The following LINGO2 variants were observed in gnomAD, a reference collection of about 807,000 sequenced individuals.
LINGO2 encodes leucine-rich repeat and immunoglobulin-like domain-containing nogo receptor-interacting protein 2.
LINGO2 carries 14 observed loss-of-function variants against 30.6 expected under a neutral mutation model. The ratio of observed to expected loss-of-function variants is 0.46; its 90% CI spans 0.30 to 0.72. LINGO2 has a LOEUF of 0.72. Ranked by LOEUF, LINGO2 falls within the 30% of genes least tolerant of loss-of-function variation. The pLI, the probability that LINGO2 is intolerant of heterozygous loss-of-function variation, is 0.07. For synonymous variants in LINGO2, 317 were observed against 288.5 expected (o/e 1.10, Z -1.00); for missense variants, 729 against 751.7 (o/e 0.97, Z 0.35).
the LINGO2 span, among the ~76,000 whole-genome samples, chr9:28,930,287 C>T: frequency 6.6e-6 from 1 of 152,164 alleles, no homozygotes; most frequent in African/African-American, 2.4e-5. The surrounding 1 kb of genome is among the most constrained non-coding windows in gnomAD (Gnocchi z 4.2). Flanking sequence ...GAAACCCTGG[C>T]TTGAATTCCT....
intron 5 of LINGO2, among the ~76,000 whole-genome samples, chr9:27,987,334 C>A (rs1434102730): frequency 1.3e-5 from 2 of 151,760 alleles, no homozygotes; most frequent in African/African-American, 4.8e-5. Context: ...TCCCTCCTTT[C>A]CTGAGACAGG....
At chr9:28,102,732 C>T (rs1054258602) in intron 4 of LINGO2, among the ~76,000 whole-genome samples, 19 of 152,016 alleles carry the variant, frequency 1.2e-4, no homozygotes, top group African/African-American at 4.1e-4. Flanking sequence ...CTTTTTATCA[C>T]TAATAAGCAT....
intron 5 of LINGO2, among the ~76,000 whole-genome samples, chr9:27,969,634 C>T (rs912968128): frequency 2.0e-5 from 3 of 152,030 alleles, no homozygotes; most frequent in African/African-American, 7.2e-5. Flanking sequence ...GGACTTGCAG[C>T]AAAGAAGTGA....
rs148426566 is a variant in LINGO2, at chr9:28,021,043, C to T, written c.-86-8638G>A. Among the ~76,000 whole-genome samples the T allele has an allele frequency of 1.0e-3, 155 of 151,914 alleles. 1 individual carries two copies. The East Asian group carries it at 0.018, about 18-fold the overall frequency. The stretch of plus-strand genomic sequence containing the variant: ...TTTCTTTCCATTGCATTGATTTTTG[C>T]TCAATTTTTTTTTATTATTTCTTTT... On this transcript the variant is annotated intron_variant, in intron 4 of 5. Transcript: ENST00000379992.
intron 5 of LINGO2, among the ~76,000 whole-genome samples, chr9:28,011,595 G>A (rs1054463942): frequency 1.3e-5 from 2 of 152,196 alleles, no homozygotes; most frequent in African/African-American, 2.4e-5. Flanking sequence ...GCAGATGGGT[G>A]AAGTTATTTG....
chr9:28,460,579 A>G (rs1223221154), intron 2 of LINGO2, among the ~76,000 whole-genome samples: 2 of 152,214 alleles, frequency 1.3e-5, no homozygotes, highest in Non-Finnish European at 2.9e-5. Flanking sequence ...AACTTCATGT[A>G]ATACATAGTA....
intron 4 of LINGO2, among the ~76,000 whole-genome samples, chr9:28,080,065 C>T (rs1420736897): frequency 6.6e-6 from 1 of 152,228 alleles, no homozygotes; most frequent in African/African-American, 2.4e-5. Flanking sequence ...TCCCTTTCCA[C>T]TGTTATGCCA....
intron 4 of LINGO2, among the ~76,000 whole-genome samples, chr9:28,281,837 G>A (rs989099983): frequency 2.6e-5 from 4 of 152,070 alleles, no homozygotes; most frequent in African/African-American, 9.7e-5. Context: ...GACTAAAGCT[G>A]CAAATGCCTT....
At position 28,090,514 on chromosome 9, in the gene LINGO2, G is replaced by A. The variant is rs193034362; in HGVS notation, c.-86-78109C>T. On this transcript the variant is annotated intron_variant, in intron 4 of 5. Transcript: ENST00000379992. ...AAAAGGCCTTTGACAAAATTCAACAGCCCTTCATGCTAAAAACGCTCAATA... is the reference window on the plus strand; with the variant it reads ...AAAAGGCCTTTGACAAAATTCAACAACCCTTCATGCTAAAAACGCTCAATA... 2.7e-3 allele frequency among the ~76,000 whole-genome samples: 408 copies of A among 152,116 alleles called. 4 individuals carry two copies. Among genetic ancestry groups the A allele is most frequent in the Non-Finnish European group, 3.8e-3 (257 of 67,964 alleles).
intron 2 of LINGO2, among the ~76,000 whole-genome samples, chr9:28,461,393 A>G (rs1380997528): frequency 6.6e-6 from 1 of 152,144 alleles, no homozygotes; most frequent in African/African-American, 2.4e-5. Flanking sequence ...CTGGCCATAC[A>G]GGGTATCTTA....
At chr9:28,651,955 AT>A (rs1411280883) in intron 1 of LINGO2, among the ~76,000 whole-genome samples, 1 of 152,168 alleles carries the variant, frequency 6.6e-6, no homozygotes, top group Non-Finnish European at 1.5e-5. Flanking sequence ...TTAAAATCCA[AT>A]ATTCGAAGGC....
chr9:28,823,385 A>G, the LINGO2 span, among the ~76,000 whole-genome samples: 2 of 152,212 alleles, frequency 1.3e-5, no homozygotes, highest in Non-Finnish European at 2.9e-5. Flanking sequence ...CAATATATCA[A>G]AAGGTTTTTC....
chr9:28,105,676 A>G (rs1052261379), intron 4 of LINGO2, among the ~76,000 whole-genome samples: 3 of 152,072 alleles, frequency 2.0e-5, no homozygotes, highest in Non-Finnish European at 1.5e-5. Flanking sequence ...TGGAGTCCTA[A>G]TTAAATTGCA....
chr9:28,845,294 G>A, the LINGO2 span, among the ~76,000 whole-genome samples: 1 of 151,854 alleles, frequency 6.6e-6, no homozygotes, highest in African/African-American at 2.4e-5. Context: ...TAAAAGATTT[G>A]TTTTTTCTTA....
At chr9:29,107,114 A>AACTT in the LINGO2 span, among the ~76,000 whole-genome samples, 1 of 152,182 alleles carries the variant, frequency 6.6e-6, no homozygotes, top group Non-Finnish European at 1.5e-5. Flanking sequence ...ATAAGTATGT[A>AACTT]ACATCACATA....
At chr9:28,644,383 T>G (rs181687029) in intron 1 of LINGO2, among the ~76,000 whole-genome samples, 1 of 151,842 alleles carries the variant, frequency 6.6e-6, no homozygotes, top group Non-Finnish European at 1.5e-5. Flanking sequence ...GATCCTGTCG[T>G]TTGCAAGAAG....
chr9:28,419,534 GGAA>G lies in LINGO2; in HGVS notation c.-278-46669_-278-46667del, dbSNP rs1475820453. Among the ~76,000 whole-genome samples the G allele has an allele frequency of 2.0e-5, 3 of 151,236 alleles. No homozygotes were observed. In the East Asian group the frequency reaches 5.8e-4, roughly 29 times the overall value. ...CCATCTTGTCCTTAAACATAGAAAC[GGAA>G]GAAGAACAAGCCTGGCCAATACATT... On this transcript the variant is annotated intron_variant, in intron 2 of 5. Transcript: ENST00000379992.
At chr9:28,162,580 A>G (rs557587931) in intron 4 of LINGO2, among the ~76,000 whole-genome samples, 7 of 152,318 alleles carry the variant, frequency 4.6e-5, no homozygotes, top group African/African-American at 1.7e-4. Context: ...AGCAATAGCT[A>G]TTCTACTACA....
At chr9:28,436,739 A>G (rs997587611) in intron 2 of LINGO2, among the ~76,000 whole-genome samples, 63 of 152,232 alleles carry the variant, frequency 4.1e-4, no homozygotes, top group Admixed American at 7.8e-4. Flanking sequence ...TTACAGGCAT[A>G]AGCCACCGCG....
Sources: gnomAD v4.1 joint callset for allele counts (sites outside exome capture counted in the v4.1 genomes callset) on GRCh38, gnomAD v4.1.1 for gene constraint, Gnocchi (gnomAD v3.1) non-coding constraint, MANE v1.5 for transcripts, NCBI Gene and HGNC (gene_info 2026-07-23, HGNC 2026-07-21) for gene names.